Variants in PTPRN2 observed in about 807,000 individuals in gnomAD.
PTPRN2 encodes the protein protein tyrosine phosphatase receptor type N2, also known as receptor-type tyrosine-protein phosphatase N2.
In PTPRN2, 74 loss-of-function variants were observed where a neutral mutation model predicts 118.8. That is an observed-to-expected ratio of 0.62 (90% CI 0.52 to 0.76). The LOEUF (loss-of-function observed/expected upper bound fraction) is 0.76. PTPRN2 is among the 30% of genes least tolerant of loss of function. PTPRN2 has a pLI of 0.00. For missense variants in PTPRN2, 1,481 were observed against 1,394.4 expected, an observed-to-expected ratio of 1.06 and a Z score of -0.99; for synonymous variants, 641 against 608.0, an observed-to-expected ratio of 1.05 and a Z score of -0.80.
At chr7:157,574,541 T>TA (rs960549148) in intron 19 of PTPRN2, 10 of 305,652 alleles carry the variant, frequency 3.3e-5, no homozygotes, top group East Asian at 2.2e-4. Context: ...AGAGAGTTTT[T>TA]AAAGCAAAGC....
intron 2 of PTPRN2, among the ~76,000 whole-genome samples, chr7:158,337,581 T>C (rs1805911431): frequency 1.5e-5 from 2 of 129,488 alleles, no homozygotes; most frequent in Admixed American, 7.7e-5. Flanking sequence ...TGGTGACACC[T>C]GCAGACGTCA....
chr7:158,296,983 GGA>G (rs1382981786), intron 3 of PTPRN2, among the ~76,000 whole-genome samples: 1 of 152,188 alleles, frequency 6.6e-6, no homozygotes, highest in Non-Finnish European at 1.5e-5. Context: ...TGGTGGGGCA[GGA>G]GAGACCAGCA....
At chr7:157,892,522 T>G (rs1318443505) in intron 12 of PTPRN2, among the ~76,000 whole-genome samples, 1 of 152,256 alleles carries the variant, frequency 6.6e-6, no homozygotes, top group Admixed American at 6.5e-5. Flanking sequence ...AAGGTTTTAA[T>G]TCCACTATCT....
intron 6 of PTPRN2, among the ~76,000 whole-genome samples, chr7:158,144,469 C>A (rs1000137361): frequency 1.3e-5 from 2 of 152,194 alleles, no homozygotes; most frequent in African/African-American, 4.8e-5. Flanking sequence ...GAAACTCCAT[C>A]TCTACTAAAA....
intron 11 of PTPRN2, among the ~76,000 whole-genome samples, chr7:158,033,379 T>C (rs1348648147): frequency 6.6e-6 from 1 of 152,198 alleles, no homozygotes; most frequent in Non-Finnish European, 1.5e-5. Context: ...TGGCTAGCCT[T>C]GGTCCTGTTC....
intron 11 of PTPRN2, among the ~76,000 whole-genome samples, chr7:157,899,676 G>A (rs141430461): frequency 6.3e-4 from 96 of 152,214 alleles, no homozygotes; most frequent in Admixed American, 1.3e-3. Flanking sequence ...TATTCCTTTC[G>A]GAGAGGGACG....
At chr7:158,298,263 T>C (rs897407461) in intron 3 of PTPRN2, among the ~76,000 whole-genome samples, 1 of 152,238 alleles carries the variant, frequency 6.6e-6, no homozygotes, top group African/African-American at 2.4e-5. Context: ...TTTTAATGTC[T>C]TTTGCTTGCT....
chr7:157,638,421 G>A (rs1329619170), intron 14 of PTPRN2, among the ~76,000 whole-genome samples: 1 of 152,252 alleles, frequency 6.6e-6, no homozygotes, highest in African/African-American at 2.4e-5. Context: ...ACCTTCCTGT[G>A]AGCAGTGAAA....
At chr7:158,394,555 C>A (rs562998425) in intron 2 of PTPRN2, among the ~76,000 whole-genome samples, 12 of 152,204 alleles carry the variant, frequency 7.9e-5, no homozygotes, top group Non-Finnish European at 1.3e-4. Flanking sequence ...TCCCTGAGCA[C>A]CCCCTTCAGA....
chr7:158,343,860 A>C (rs1040899614), intron 2 of PTPRN2, among the ~76,000 whole-genome samples: 6 of 137,654 alleles, frequency 4.4e-5, no homozygotes, highest in Admixed American at 2.2e-4. Flanking sequence ...GTGGAATCAC[A>C]GCTACAATCG....
At chr7:157,978,728 G>T (rs1253817986) in intron 11 of PTPRN2, among the ~76,000 whole-genome samples, 1 of 151,956 alleles carries the variant, frequency 6.6e-6, no homozygotes, top group Non-Finnish European at 1.5e-5. Flanking sequence ...CTCTGGGACT[G>T]CACACTTTCT....
At chr7:158,001,242 G>A (rs2128859234) in intron 11 of PTPRN2, among the ~76,000 whole-genome samples, 1 of 151,694 alleles carries the variant, frequency 6.6e-6, no homozygotes, top group South Asian at 2.1e-4. Context: ...CTGGCCGTAG[G>A]TGGGGTACAG....
At position 157,861,077 on chromosome 7, in the gene PTPRN2, C is replaced by T. The variant is rs1476312473; in HGVS notation, c.1788+37596G>A. On this transcript the variant is annotated intron_variant, in intron 12 of 22. Coordinates refer to ENST00000389418, the MANE Select transcript of PTPRN2 (RefSeq NM_002847.5). This position sits in a 1 kb window ranked among gnomAD's most constrained non-coding sequence, Gnocchi z 5.8. ...TTCTTGTGGGGGTTGGAAGAGGAAC[C>T]CCACGGCACAGCGGACACCATGTGG... Among the ~76,000 whole-genome samples the T allele has an allele frequency of 6.6e-6, 1 of 152,142 alleles. No individual in the cohort carries two copies. Among genetic ancestry groups the T allele is most frequent in the Non-Finnish European group, 1.5e-5 (1 of 68,030 alleles).
intron 12 of PTPRN2, among the ~76,000 whole-genome samples, chr7:157,800,933 CAG>C (rs1169163157): frequency 6.6e-6 from 1 of 151,308 alleles, no homozygotes; most frequent in Non-Finnish European, 1.5e-5. Context: ...GCCTGGGCAA[CAG>C]AGAGAGACTC....
chr7:158,478,279 G>A (rs1289208478), intron 2 of PTPRN2, among the ~76,000 whole-genome samples: 1 of 152,226 alleles, frequency 6.6e-6, no homozygotes, highest in East Asian at 1.9e-4. Flanking sequence ...GCACTGCAGT[G>A]GACGGCTAGA....
At chr7:157,697,413 C>A (rs1201934435) in intron 12 of PTPRN2, among the ~76,000 whole-genome samples, 1 of 127,194 alleles carries the variant, frequency 7.9e-6, no homozygotes, top group Non-Finnish European at 1.7e-5. Flanking sequence ...CCCATGCATA[C>A]TGGATCTTAG....
chr7:158,513,320 G>A (rs552672775), intron 1 of PTPRN2, among the ~76,000 whole-genome samples: 1 of 152,294 alleles, frequency 6.6e-6, no homozygotes, highest in South Asian at 2.1e-4. Flanking sequence ...CAAAGCCAAG[G>A]AAAGTCTGAG....
At chr7:158,376,515 G>A (rs1329099837) in intron 2 of PTPRN2, among the ~76,000 whole-genome samples, 81 of 125,388 alleles carry the variant, frequency 6.5e-4, no homozygotes, top group African/African-American at 2.4e-3. Flanking sequence ...CCTGTCACAC[G>A]TCCTGAGAGG....
At chr7:157,726,775 G>C (rs991427382) in intron 12 of PTPRN2, among the ~76,000 whole-genome samples, 1 of 152,258 alleles carries the variant, frequency 6.6e-6, no homozygotes. Context: ...TTAATATCCA[G>C]AACATGTAGG....
Sources: allele counts gnomAD v4.1 joint callset (sites outside exome capture counted in the v4.1 genomes callset), GRCh38; gene constraint gnomAD v4.1.1; non-coding constraint Gnocchi (gnomAD v3.1); transcripts MANE v1.5; gene names NCBI Gene and HGNC (gene_info 2026-07-23, HGNC 2026-07-21).